The following PDS5B variants were observed in gnomAD, a reference collection of about 807,000 sequenced individuals.
PDS5B encodes the protein PDS5 cohesin associated factor B.
PDS5B carries 51 observed loss-of-function variants against 184.1 expected under a neutral mutation model. The ratio of observed to expected loss-of-function variants is 0.28; its 90% CI spans 0.22 to 0.35. The LOEUF is 0.35. PDS5B is among the 10% of genes least tolerant of loss of function. PDS5B has a pLI of 1.00. For synonymous variants in PDS5B, 566 were observed against 569.2 expected, an observed-to-expected ratio of 0.99 and a Z score of 0.08; for missense variants, 1,180 against 1,723.3, an observed-to-expected ratio of 0.68 and a Z score of 5.58.
chr13:32,738,105 AATTT>A (rs1432455706), intron 21 of PDS5B, among the ~76,000 whole-genome samples: 19 of 152,044 alleles, frequency 1.2e-4, no homozygotes, highest in Non-Finnish European at 2.8e-4. Flanking sequence ...AATATCTCGT[AATTT>A]ATTTATTCTT....
intron 19 of PDS5B, among the ~76,000 whole-genome samples, chr13:32,726,914 A>C (rs1017272383): frequency 6.6e-6 from 1 of 152,186 alleles, no homozygotes; most frequent in Non-Finnish European, 1.5e-5. Context: ...ACACCCTTAA[A>C]GAAAAAGTTT....
chr13:32,652,222 AT>A lies in PDS5B; in HGVS notation c.312+223del, dbSNP rs113948248. On this transcript the variant is annotated intron_variant, in intron 3 of 34. Transcript: ENST00000315596. Reference sequence around the variant, plus strand: ...TAAGAAGTAGATTAATACAGTGTGTATTTTTTTTATATCATGTCATCATTAG... The same window carrying A: ...TAAGAAGTAGATTAATACAGTGTGTATTTTTTTATATCATGTCATCATTAG... The A allele has an allele frequency of 5.8e-3, 2,423 of 421,184 alleles. 46 individuals carry two copies. Among genetic ancestry groups the A allele is most frequent in the African/African-American group, 0.04 (1,965 of 48,732 alleles). 26.1% of individuals were successfully genotyped at this position (421,184 alleles called of 1,614,324 possible). A position where few individuals can be genotyped will look rare whatever the true frequency, so the allele number is the denominator to read the frequency against.
At chr13:32,618,414 A>G (rs998842012) in intron 1 of PDS5B, among the ~76,000 whole-genome samples, 2 of 152,138 alleles carry the variant, frequency 1.3e-5, no homozygotes, top group African/African-American at 4.8e-5. Flanking sequence ...TCTGAGTGGT[A>G]TGATGAAATC....
rs142246563 is a variant in PDS5B at position 32,748,318 on chromosome 13, T to A, written c.2736+2218T>A. On this transcript the variant is annotated intron_variant, in intron 24 of 34. Transcript: ENST00000315596. ...TTGCCTTTGTTGTTTTCCAGAAATG[T>A]CCTGTTGAAGTCCTCAAGTCCAGTG... is the stretch of plus-strand genomic sequence containing the variant. Among the ~76,000 whole-genome samples the A allele has an allele frequency of 4.4e-3, 665 of 152,304 alleles. 6 individuals carry two copies. Among genetic ancestry groups the A allele is most frequent in the African/African-American group, 0.016 (646 of 41,576 alleles).
At chr13:32,737,911 C>T (rs1314262466) in intron 21 of PDS5B, among the ~76,000 whole-genome samples, 2 of 152,098 alleles carry the variant, frequency 1.3e-5, no homozygotes, top group Non-Finnish European at 1.5e-5. Context: ...TCTGTAACAG[C>T]AACAAAATTT....
intron 1 of PDS5B, among the ~76,000 whole-genome samples, chr13:32,614,321 G>A (rs571864131): frequency 1.1e-4 from 16 of 147,582 alleles, no homozygotes; most frequent in African/African-American, 3.5e-4. Flanking sequence ...TTTTTGAGAC[G>A]GAGTCTCACT....
chr13:32,741,699 C>CTGTGTGTGTGTGTGTGTG lies in PDS5B; in HGVS notation c.2475+577_2475+594dup, dbSNP rs3050179. Among the ~76,000 whole-genome samples, 63 of 139,274 alleles carry CTGTGTGTGTGTGTGTGTG rather than the reference C, an allele frequency of 4.5e-4. 1 individual carries two copies. Among genetic ancestry groups the CTGTGTGTGTGTGTGTGTG allele is most frequent in the South Asian group, 2.4e-3 (10 of 4,152 alleles). 91.4% of individuals were successfully genotyped at this position (139,274 alleles called of 152,430 possible). A position where few individuals can be genotyped will look rare whatever the true frequency, so the allele number is the denominator to read the frequency against. ...GTAATTTCTTATAAACCCTTTCAGTCTGTGTGTGTGTGTGTGTGTGTGTGT... is the reference window on the plus strand; with the variant it reads ...GTAATTTCTTATAAACCCTTTCAGTCTGTGTGTGTGTGTGTGTGTGTGTGTGTGTGTGTGTGTGTGTGT... On this transcript the variant is annotated intron_variant, in intron 22 of 34. Coordinates refer to ENST00000315596, the MANE Select transcript of PDS5B (RefSeq NM_015032.4).
chr13:32,709,770 A>G (rs1438914987), intron 18 of PDS5B, among the ~76,000 whole-genome samples, 176 bp from the exon 19 acceptor site: 1 of 152,116 alleles, frequency 6.6e-6, no homozygotes, highest in African/African-American at 2.4e-5. Context: ...ACAGAGGAAC[A>G]TTTCTGTTAC....
chr13:32,714,045 C>G (rs1156848451), intron 19 of PDS5B, among the ~76,000 whole-genome samples: 1 of 152,066 alleles, frequency 6.6e-6, no homozygotes, highest in Non-Finnish European at 1.5e-5. Context: ...CCGTGATGCC[C>G]CACAAGCCAC....
chr13:32,644,629 C>T (rs937225190), intron 1 of PDS5B, among the ~76,000 whole-genome samples: 1 of 151,944 alleles, frequency 6.6e-6, no homozygotes, highest in Non-Finnish European at 1.5e-5. Flanking sequence ...TTCCTGAACA[C>T]AAAGCTTTTA....
chr13:32,770,641 T>A lies in PDS5B; in HGVS notation c.4065-13T>A. On this transcript the variant is annotated splice_polypyrimidine_tract_variant and intron_variant, in intron 32 of 34. Coordinates refer to ENST00000315596, the MANE Select transcript of PDS5B (RefSeq NM_015032.4). ...ATTTGATGCTATCCACATTTGGGTC[T>A]TCCCCAAAGCAGAGCAGAATCTCCT... 1 of 1,602,666 alleles carries A rather than the reference T, an allele frequency of 6.2e-7. No homozygotes were observed. The highest frequency in any genetic ancestry group is 8.5e-7 in the Non-Finnish European group (1 of 1,175,706).
chr13:32,630,940 A>G (rs1400282912), intron 1 of PDS5B, among the ~76,000 whole-genome samples: 6 of 151,514 alleles, frequency 4.0e-5, no homozygotes, highest in Non-Finnish European at 8.8e-5. Flanking sequence ...ATGCACCACC[A>G]TGGCCGGATA....
chr13:32,677,452 A>G (rs1043071488), intron 9 of PDS5B, among the ~76,000 whole-genome samples: 2 of 152,110 alleles, frequency 1.3e-5, no homozygotes, highest in African/African-American at 4.8e-5. Flanking sequence ...AATATTAATA[A>G]CATAAAACTT....
At chr13:32,610,093 A>G (rs2058118614) in intron 1 of PDS5B, among the ~76,000 whole-genome samples, 1 of 152,116 alleles carries the variant, frequency 6.6e-6, no homozygotes. Context: ...ACATGAAGAG[A>G]TGGTAGAGTA....
rs373643586 is a variant in PDS5B at position 32,687,905 on chromosome 13, T to G, written c.1356-551T>G. On this transcript the variant is annotated intron_variant, in intron 12 of 34. Coordinates refer to ENST00000315596, the MANE Select transcript of PDS5B (RefSeq NM_015032.4). ...TTAAGAAGCAGGTCACACTAAAATT[T>G]TAAGAGGCATAGATACTAAAAACTG... Among the ~76,000 whole-genome samples the G allele has an allele frequency of 3.3e-5, 5 of 152,300 alleles. No homozygotes were observed. The East Asian group carries it at 9.6e-4, about 29-fold the overall frequency.
chr13:32,661,421 AAAAG>A (rs1166164282), intron 6 of PDS5B, among the ~76,000 whole-genome samples: 3 of 151,072 alleles, frequency 2.0e-5, no homozygotes, highest in East Asian at 1.9e-4. Flanking sequence ...CAGAAAAAGA[AAAAG>A]AAAAATGACC....
intron 1 of PDS5B, among the ~76,000 whole-genome samples, chr13:32,618,895 C>T (rs1359703593): frequency 6.6e-6 from 1 of 152,030 alleles, no homozygotes; most frequent in African/African-American, 2.4e-5. Context: ...TTGTCACAAC[C>T]TCATTTTTTA....
At chr13:32,684,687 C>T (rs1951337228) in intron 11 of PDS5B, among the ~76,000 whole-genome samples, 1 of 152,170 alleles carries the variant, frequency 6.6e-6, no homozygotes, top group Non-Finnish European at 1.5e-5. Flanking sequence ...ATAATGGCAT[C>T]TAAGCCTCAT....
intron 22 of PDS5B, 35 bp from the exon 23 acceptor site, chr13:32,742,556 C>T: frequency 6.5e-7 from 1 of 1,550,040 alleles, no homozygotes; most frequent in South Asian, 1.2e-5. Flanking sequence ...TCAAAATGTA[C>T]CAGTGTTTTA....
Sources: allele counts gnomAD v4.1 joint callset (sites outside exome capture counted in the v4.1 genomes callset), GRCh38; gene constraint gnomAD v4.1.1; transcripts MANE v1.5; gene names NCBI Gene and HGNC (gene_info 2026-07-23, HGNC 2026-07-21).